Variants in RYR3 observed in about 807,000 individuals in gnomAD.
The protein encoded by RYR3 is brain ryanodine receptor-calcium release channel.
RYR3 carries 207 observed loss-of-function variants against 584.3 expected under a neutral mutation model. That is an observed-to-expected ratio of 0.35 (90% CI 0.32 to 0.40). The LOEUF (loss-of-function observed/expected upper bound fraction) is 0.40. Ranked by LOEUF, RYR3 falls within the 10% of genes least tolerant of loss-of-function variation. The probability of loss-of-function intolerance (pLI) is 1.00; values close to 1 mark genes in which losing one functional copy is unlikely to be tolerated. For missense variants in RYR3, 5,616 were observed against 6,089.2 expected, an observed-to-expected ratio of 0.92 and a Z score of 2.59; for synonymous variants, 2,416 against 2,248.5, an observed-to-expected ratio of 1.07 and a Z score of -2.11.
chr15:33,590,208 G>T (rs1467066600), intron 16 of RYR3, among the ~76,000 whole-genome samples: 1 of 152,168 alleles, frequency 6.6e-6, no homozygotes, highest in African/African-American at 2.4e-5. Context: ...AATGTCATCG[G>T]TTAAGGCAGG....
At chr15:33,623,462 A>G (rs939828944) in intron 19 of RYR3, among the ~76,000 whole-genome samples, 1 of 152,242 alleles carries the variant, frequency 6.6e-6, no homozygotes, top group African/African-American at 2.4e-5. Context: ...TACAGAGAAT[A>G]ATCTCATCAC....
chr15:33,712,617 T>G (rs886507074), intron 43 of RYR3, among the ~76,000 whole-genome samples: 7 of 152,136 alleles, frequency 4.6e-5, no homozygotes, highest in Non-Finnish European at 1.0e-4. Context: ...CTCAAATGCT[T>G]CACAGTAGGT....
rs2044566328 is a variant in RYR3 at position 33,425,692 on chromosome 15, A to G, written c.52-47727A>G. ...AGTCTCGCTCTGTGGCCCAGGCTGG[A>G]GTGAATTGCCGTGATCTTGGCTCAC... is the stretch of plus-strand genomic sequence containing the variant. On this transcript the variant is annotated intron_variant, in intron 1 of 103. Transcript: ENST00000634891. 1.6e-5 allele frequency among the ~76,000 whole-genome samples: 2 copies of G among 128,442 alleles called. 1 individual carries two copies. The highest frequency in any genetic ancestry group is 1.8e-4 in the Admixed American group (2 of 11,136). 84.3% of individuals were successfully genotyped at this position (128,442 alleles called of 152,430 possible).
intron 1 of RYR3, among the ~76,000 whole-genome samples, chr15:33,368,697 A>G (rs1975871115): frequency 6.6e-6 from 1 of 151,786 alleles, no homozygotes; most frequent in South Asian, 2.1e-4. Context: ...CTTCCCATGC[A>G]CCTTGTCGGA....
At chr15:33,788,762 C>A (rs977556723) in intron 67 of RYR3, among the ~76,000 whole-genome samples, 1 of 152,202 alleles carries the variant, frequency 6.6e-6, no homozygotes, top group Non-Finnish European at 1.5e-5. Context: ...CTCTGCTGTT[C>A]ACTAACGTAT....
chr15:33,513,010 C>T (rs2053174635), intron 3 of RYR3, among the ~76,000 whole-genome samples: 1 of 152,084 alleles, frequency 6.6e-6, no homozygotes, highest in Non-Finnish European at 1.5e-5. Context: ...ATTTCAGCTG[C>T]GTTTCTGGCA....
At position 33,660,291 on chromosome 15, in the gene RYR3, C is replaced by T; in HGVS notation, c.4490C>T (p.Pro1497Leu). 5 of 1,567,336 alleles carry T rather than the reference C, an allele frequency of 3.2e-6. No individual in the cohort carries two copies. The highest frequency in any genetic ancestry group is 3.5e-6 in the Non-Finnish European group (4 of 1,156,178). The change falls in exon 34 of 104, where the codon CCC becomes CTC. Residue 1497 changes from proline (P) to leucine (L), a missense_variant. Transcript: ENST00000634891. ...CGGCTGGACGTCCAAACCATCCAGCCCGTGCTCTGGAGCCGCATGCCCAAC... is the reference window on the plus strand; with the variant it reads ...CGGCTGGACGTCCAAACCATCCAGCTCGTGCTCTGGAGCCGCATGCCCAAC... The part of the protein sequence containing the change: ...PPRLDVQTIQ[P>L]VLWSRMPNSF...
chr15:33,703,487 T>C (rs1166788165), intron 42 of RYR3, among the ~76,000 whole-genome samples: 2 of 152,234 alleles, frequency 1.3e-5, no homozygotes, highest in African/African-American at 2.4e-5. Flanking sequence ...CCTCACGTAG[T>C]CTTTTCTTTG....
intron 34 of RYR3, among the ~76,000 whole-genome samples, chr15:33,660,659 A>G (rs1199008824): frequency 6.6e-6 from 1 of 152,210 alleles, no homozygotes; most frequent in Non-Finnish European, 1.5e-5. Context: ...AGTGCCTGGT[A>G]TTAAGGAACA....
At chr15:33,362,045 C>T (rs1328778633) in intron 1 of RYR3, among the ~76,000 whole-genome samples, 1 of 152,194 alleles carries the variant, frequency 6.6e-6, no homozygotes, top group Non-Finnish European at 1.5e-5. Context: ...AGTGGCCACT[C>T]ACCCATTGCC....
intron 102 of RYR3, among the ~76,000 whole-genome samples, chr15:33,863,678 G>T (rs975236937): frequency 6.6e-6 from 1 of 152,090 alleles, no homozygotes; most frequent in South Asian, 2.1e-4. Context: ...AGTTCTGGAA[G>T]AATCTCCATG....
intron 1 of RYR3, among the ~76,000 whole-genome samples, chr15:33,470,519 C>T (rs748366915): frequency 6.6e-6 from 1 of 151,550 alleles, no homozygotes; most frequent in Non-Finnish European, 1.5e-5. Flanking sequence ...GAGATGAGAG[C>T]ACTTTCTAGG....
At chr15:33,836,620 A>C (rs2078070686) in intron 87 of RYR3, among the ~76,000 whole-genome samples, 1 of 152,192 alleles carries the variant, frequency 6.6e-6, no homozygotes. Context: ...TCTTTGGTGC[A>C]TTGGGTTGTT....
intron 5 of RYR3, among the ~76,000 whole-genome samples, chr15:33,536,209 C>A (rs531002730): frequency 2.6e-4 from 40 of 152,182 alleles, no homozygotes; most frequent in Admixed American, 1.5e-3. Flanking sequence ...GTAAACTGCC[C>A]AGTAGTGGAG....
At chr15:33,356,636 T>C (rs1974014652) in intron 1 of RYR3, among the ~76,000 whole-genome samples, 1 of 152,210 alleles carries the variant, frequency 6.6e-6, no homozygotes, top group East Asian at 1.9e-4. Context: ...ACATAATATG[T>C]TTATTTTGAG....
intron 38 of RYR3, among the ~76,000 whole-genome samples, chr15:33,672,709 G>A (rs1464606107): frequency 6.6e-6 from 1 of 152,174 alleles, no homozygotes; most frequent in Non-Finnish European, 1.5e-5. Flanking sequence ...TGGTAATTTT[G>A]TTCATGCTAT....
In RYR3 at chr15:33,813,132, C is replaced by A. The variant is rs2076634725; in HGVS notation, c.10389+138C>A. The A allele has an allele frequency of 3.7e-6, 4 of 1,080,490 alleles. No homozygotes were observed. In the South Asian group the frequency reaches 4.8e-5, roughly 13 times the overall value. The allele number at this position is 1,080,490 out of a possible 1,614,324, so 66.9% of individuals were successfully genotyped here. A position where few individuals can be genotyped will look rare whatever the true frequency, so the allele number is the denominator to read the frequency against. On this transcript the variant is annotated intron_variant, in intron 73 of 103. Coordinates refer to ENST00000634891, the MANE Select transcript of RYR3 (RefSeq NM_001036.6). ...AGGACCAAGGATCATCCCAGATCAC[C>A]CCCACGTGCCATCTCGATGCCCTGT...
At chr15:33,777,004 C>A (rs1329745799) in intron 64 of RYR3, among the ~76,000 whole-genome samples, 1 of 152,140 alleles carries the variant, frequency 6.6e-6, no homozygotes. Flanking sequence ...GCCTGGGCAA[C>A]CTGGCAAGAC....
chr15:33,830,886 G>C (rs2077636897), intron 85 of RYR3, 77 bp from the exon 86 acceptor site: 2 of 1,489,488 alleles, frequency 1.3e-6, no homozygotes, highest in Non-Finnish European at 1.8e-6. Flanking sequence ...GGATTATCAT[G>C]TACCCTTCCC....
Sources: gnomAD v4.1 joint callset for allele counts (sites outside exome capture counted in the v4.1 genomes callset) on GRCh38, gnomAD v4.1.1 for gene constraint, MANE v1.5 for transcripts, NCBI Gene and HGNC (gene_info 2026-07-23, HGNC 2026-07-21) for gene names.